Variants in ZPLD1 observed in about 807,000 individuals in gnomAD.
ZPLD1 encodes zona pellucida-like domain-containing protein 1.
Under a neutral mutation model 47.2 loss-of-function variants are expected in ZPLD1, and 34 were observed. The ratio of observed to expected loss-of-function variants is 0.72; its 90% CI spans 0.55 to 0.96. The LOEUF (loss-of-function observed/expected upper bound fraction) is 0.96. Ranked by LOEUF, ZPLD1 falls within the 40% of genes least tolerant of loss-of-function variation. ZPLD1 has a pLI of 0.00. For synonymous variants in ZPLD1, 176 were observed against 186.2 expected, an observed-to-expected ratio of 0.95 and a Z score of 0.45; for missense variants, 512 against 505.8, an observed-to-expected ratio of 1.01 and a Z score of -0.12.
At chr3:102,449,725 G>C (rs565956370) in intron 3 of ZPLD1, among the ~76,000 whole-genome samples, 2 of 152,156 alleles carry the variant, frequency 1.3e-5, no homozygotes, top group South Asian at 4.1e-4. Flanking sequence ...ATTTCTTACT[G>C]TGCCTAATTT....
At chr3:102,447,775 G>T (rs927226580) in intron 3 of ZPLD1, among the ~76,000 whole-genome samples, 2 of 152,046 alleles carry the variant, frequency 1.3e-5, no homozygotes, top group Non-Finnish European at 2.9e-5. Context: ...TATATTATTA[G>T]ATATGTAAAT....
intron 8 of ZPLD1, among the ~76,000 whole-genome samples, chr3:102,426,017 C>T (rs560509548): frequency 2.6e-5 from 4 of 151,764 alleles, no homozygotes; most frequent in Admixed American, 2.6e-4. Context: ...ATCTATAGGT[C>T]ACCTGTTTTT....
chr3:102,404,422 C>T (rs899275567), intron 7 of ZPLD1, among the ~76,000 whole-genome samples: 4 of 151,948 alleles, frequency 2.6e-5, no homozygotes, highest in African/African-American at 9.7e-5. Flanking sequence ...CTGCCTTCAC[C>T]TAAACATTCA....
intron 7 of ZPLD1, among the ~76,000 whole-genome samples, chr3:102,395,290 G>T (rs143574429): frequency 6.6e-6 from 1 of 151,890 alleles, no homozygotes; most frequent in East Asian, 1.9e-4. Context: ...ATATATATAC[G>T]TATATGTAAA....
chr3:102,454,957 G>A (rs971928264), intron 4 of ZPLD1, among the ~76,000 whole-genome samples: 1 of 152,186 alleles, frequency 6.6e-6, no homozygotes, highest in Non-Finnish European at 1.5e-5. Flanking sequence ...AGTGGGAGGA[G>A]GGGAAGATTT....
chr3:102,398,478 T>C (rs1020834475), intron 7 of ZPLD1, among the ~76,000 whole-genome samples: 3 of 152,150 alleles, frequency 2.0e-5, no homozygotes, highest in Admixed American at 1.3e-4. Context: ...CTTTCTAATA[T>C]AGATGTTGTG....
intron 3 of ZPLD1, among the ~76,000 whole-genome samples, chr3:102,443,350 A>G (rs1707210091): frequency 1.3e-5 from 2 of 152,198 alleles, no homozygotes; most frequent in Non-Finnish European, 2.9e-5. Flanking sequence ...ATTTCTTACA[A>G]TAAACTTACA....
chr3:102,478,482 A>AGAACATTATCATCAGCTCATAAGCATTCT lies in ZPLD1; in HGVS notation c.*865_*866insAACATTATCATCAGCTCATAAGCATTCTG, dbSNP rs138641254. 1 of 151,700 alleles carries AGAACATTATCATCAGCTCATAAGCATTCT rather than the reference A, an allele frequency of 6.6e-6. No homozygotes were observed. Among genetic ancestry groups the AGAACATTATCATCAGCTCATAAGCATTCT allele is most frequent in the Non-Finnish European group, 1.5e-5 (1 of 67,846 alleles). The allele number at this position is 151,700 out of a possible 1,614,324, so 9.4% of individuals were successfully genotyped here. On this transcript the variant is annotated 3_prime_UTR_variant, in exon 12 of 12. Transcript: ENST00000466937. Reference sequence around the variant, plus strand: ...GAAAACAAGCTGTAGTTGTGAAAAGAGTTCCTAGAAGGGTTTTTAACAATT... The same window carrying AGAACATTATCATCAGCTCATAAGCATTCT: ...GAAAACAAGCTGTAGTTGTGAAAAGAGAACATTATCATCAGCTCATAAGCATTCTGTTCCTAGAAGGGTTTTTAACAATT...
chr3:102,424,873 T>A (rs540109750), intron 8 of ZPLD1, among the ~76,000 whole-genome samples: 2 of 152,330 alleles, frequency 1.3e-5, no homozygotes, highest in Middle Eastern at 6.8e-3. Flanking sequence ...ACCAATATTC[T>A]AGCACATTAT....
intron 7 of ZPLD1, among the ~76,000 whole-genome samples, chr3:102,410,504 G>A (rs533339427): frequency 8.5e-4 from 129 of 151,766 alleles, no homozygotes; most frequent in African/African-American, 2.9e-3. Flanking sequence ...GCACAAAAAT[G>A]CAACAGATTG....
Position 102,421,427 on chromosome 3 carries a change from T to A in ZPLD1, c.-9+3220T>A, listed in dbSNP as rs1706878658. ...TAATTGAATAATTTTTAAAAACTAC[T>A]CATCTTTTAGAGATTTAAAATTGTT... is the stretch of plus-strand genomic sequence containing the variant. On this transcript the variant is annotated intron_variant, in intron 8 of 17. Coordinates refer to the ZPLD1 transcript ENST00000491959. Among the ~76,000 whole-genome samples the A allele has an allele frequency of 2.0e-5, 3 of 152,032 alleles. No homozygotes were observed. In the South Asian group the frequency reaches 6.2e-4, roughly 31 times the overall value.
chr3:102,469,574 T>C (rs1707650953), intron 9 of ZPLD1, among the ~76,000 whole-genome samples: 1 of 152,096 alleles, frequency 6.6e-6, no homozygotes, highest in South Asian at 2.1e-4. Context: ...ATCAAGAGTG[T>C]GAGAGACATT....
At chr3:102,461,846 A>G (rs1707510912) in intron 6 of ZPLD1, among the ~76,000 whole-genome samples, 1 of 152,064 alleles carries the variant, frequency 6.6e-6, no homozygotes, top group Admixed American at 6.5e-5. Flanking sequence ...TCAGAAGTAT[A>G]AGAACTACAG....
rs1457376763 is a variant in ZPLD1 at position 102,479,163 on chromosome 3, C to A, written c.*1545C>A. Reference sequence around the variant, plus strand: ...GTATAGTTGCCAAGTAAAGTGGGATCTGGAAAGTCTCTGGATAATTTCTTT... The same window carrying A: ...GTATAGTTGCCAAGTAAAGTGGGATATGGAAAGTCTCTGGATAATTTCTTT... On this transcript the variant is annotated 3_prime_UTR_variant, in exon 12 of 12. Transcript: ENST00000466937. 1 of 152,082 alleles carries A rather than the reference C, an allele frequency of 6.6e-6. No homozygotes were observed. Among genetic ancestry groups the A allele is most frequent in the Admixed American group, 6.5e-5 (1 of 15,268 alleles). The allele number at this position is 152,082 out of a possible 1,614,324, so 9.4% of individuals were successfully genotyped here.
intron 3 of ZPLD1, among the ~76,000 whole-genome samples, chr3:102,449,158 G>A (rs781305830): frequency 6.6e-6 from 1 of 152,100 alleles, no homozygotes; most frequent in East Asian, 1.9e-4. Flanking sequence ...ATTCACATTT[G>A]TCCCCTCTGT....
chr3:102,454,518 T>C (rs1414767390), intron 4 of ZPLD1, among the ~76,000 whole-genome samples: 1 of 152,126 alleles, frequency 6.6e-6, no homozygotes, highest in East Asian at 1.9e-4. Context: ...AAGTGTGCAA[T>C]GTGTGTGCTG....
intron 11 of ZPLD1, 46 bp from the exon 12 acceptor site, chr3:102,477,397 A>G (rs779463191): frequency 1.9e-6 from 3 of 1,576,954 alleles, no homozygotes; most frequent in Non-Finnish European, 2.6e-6. Context: ...GGTGAGATAA[A>G]TATTATATGG....
intron 7 of ZPLD1, among the ~76,000 whole-genome samples, chr3:102,402,675 C>A (rs1172016572): frequency 7.9e-5 from 12 of 151,890 alleles, no homozygotes; most frequent in Non-Finnish European, 1.8e-4. Flanking sequence ...GGCAATAGAA[C>A]AATATTTGAT....
At chr3:102,438,799 T>C (rs886225887) in intron 3 of ZPLD1, among the ~76,000 whole-genome samples, 1 of 152,190 alleles carries the variant, frequency 6.6e-6, no homozygotes, top group African/African-American at 2.4e-5. Flanking sequence ...GTTAATATTA[T>C]TATAATGGCT....
Sources: allele counts gnomAD v4.1 joint callset (sites outside exome capture counted in the v4.1 genomes callset), GRCh38; gene constraint gnomAD v4.1.1; transcripts MANE v1.5; gene names NCBI Gene and HGNC (gene_info 2026-07-23, HGNC 2026-07-21).